The following ST18 variants were observed in gnomAD, a reference collection of about 807,000 sequenced individuals.
The protein encoded by ST18 is suppression of tumorigenicity 18 protein.
In ST18, 50 loss-of-function variants were observed where a neutral mutation model predicts 110.0. That is an observed-to-expected ratio of 0.45 (90% CI 0.36 to 0.58). The LOEUF is 0.58. Among genes scored for constraint, ST18 ranks in the 20% least tolerant of loss-of-function variants. The probability of loss-of-function intolerance (pLI) is 0.00; values close to 1 mark genes in which losing one functional copy is unlikely to be tolerated. For synonymous variants in ST18, 461 were observed against 452.4 expected, an observed-to-expected ratio of 1.02 and a Z score of -0.24; for missense variants, 1,306 against 1,280.1, an observed-to-expected ratio of 1.02 and a Z score of -0.31.
Position 52,284,479 on chromosome 8 carries a change from C to T in ST18, c.-464-54402G>A, listed in dbSNP as rs73679035. On this transcript the variant is annotated intron_variant, in intron 2 of 25. Coordinates refer to ENST00000689386, the MANE Select transcript of ST18 (RefSeq NM_001352837.2). ...CCGATGTGTCTCCAAGTGACCATCC[C>T]TATGAGAGAACACAGGGAGTGGCTG... Among the ~76,000 whole-genome samples the T allele has an allele frequency of 8.6e-3, 1,316 of 152,198 alleles. 18 individuals are homozygous for T. Among genetic ancestry groups the T allele is most frequent in the African/African-American group, 0.029 (1,201 of 41,514 alleles).
chr8:52,266,603 G>A (rs1056019525), intron 2 of ST18, among the ~76,000 whole-genome samples: 9 of 149,976 alleles, frequency 6.0e-5, no homozygotes, highest in African/African-American at 1.5e-4. Flanking sequence ...GTGCAGTGGC[G>A]TGATCTCGGC....
chr8:52,360,595 T>C (rs939685367), intron 2 of ST18, among the ~76,000 whole-genome samples: 1 of 152,160 alleles, frequency 6.6e-6, no homozygotes, highest in South Asian at 2.1e-4. Flanking sequence ...TAGGAAATCC[T>C]GTAGCACCTT....
At position 52,197,203 on chromosome 8, in the gene ST18, A is replaced by G. The variant is rs73681229; in HGVS notation, c.86+14876T>C. On this transcript the variant is annotated intron_variant, in intron 8 of 25. Transcript: ENST00000689386. Reference sequence around the variant, plus strand: ...ATCTGCTGCAAAGTTACTCTTAAACAAAAATAACAAAGGCAATGAATATTT... The same window carrying G: ...ATCTGCTGCAAAGTTACTCTTAAACGAAAATAACAAAGGCAATGAATATTT... Among the ~76,000 whole-genome samples, 343 of 152,360 alleles carry G rather than the reference A, an allele frequency of 2.3e-3. 2 individuals carry two copies. The highest frequency in any genetic ancestry group is 7.4e-3 in the African/African-American group (308 of 41,588).
At chr8:52,214,685 G>GA (rs924726073) in intron 6 of ST18, among the ~76,000 whole-genome samples, 1 of 151,908 alleles carries the variant, frequency 6.6e-6, no homozygotes, top group Admixed American at 6.6e-5. Flanking sequence ...TCTAAGCTTG[G>GA]AAAAAAATGA....
Position 52,126,039 on chromosome 8 carries a change from C to T in ST18, c.2755+13G>A, listed in dbSNP as rs756983662. ...CCTGCAGGAGGTGGTGACAGCCAGC[C>T]CTGTGCTCTTACCCCCAGTTGCTTT... On this transcript the variant is annotated intron_variant, in intron 23 of 25. Coordinates refer to ENST00000689386, the MANE Select transcript of ST18 (RefSeq NM_001352837.2). The T allele has an allele frequency of 1.2e-6, 2 of 1,613,396 alleles. No individual in the cohort carries two copies. Among genetic ancestry groups the T allele is most frequent in the South Asian group, 1.1e-5 (1 of 91,044 alleles).
At chr8:52,251,798 C>G (rs2138338480) in intron 2 of ST18, among the ~76,000 whole-genome samples, 1 of 152,188 alleles carries the variant, frequency 6.6e-6, no homozygotes, top group Non-Finnish European at 1.5e-5. Flanking sequence ...TTGTTGAATT[C>G]AATCCATAAA....
chr8:52,250,506 C>G (rs1172557779), intron 2 of ST18, among the ~76,000 whole-genome samples: 1 of 42,118 alleles, frequency 2.4e-5, no homozygotes. Flanking sequence ...GCTGTATAAA[C>G]AATGCCACAG....
chr8:52,357,687 A>G (rs1309535321), intron 2 of ST18, among the ~76,000 whole-genome samples: 1 of 40,482 alleles, frequency 2.5e-5, no homozygotes, highest in Non-Finnish European at 4.4e-5. Context: ...ATATATATAT[A>G]TATATATATA....
chr8:52,359,521 A>G (rs1216495539), intron 2 of ST18, among the ~76,000 whole-genome samples: 1 of 152,170 alleles, frequency 6.6e-6, no homozygotes, highest in African/African-American at 2.4e-5. Flanking sequence ...ACTATGTGCC[A>G]GGCACTATTC....
At chr8:52,243,991 A>T (rs190550821) in intron 2 of ST18, among the ~76,000 whole-genome samples, 1 of 152,288 alleles carries the variant, frequency 6.6e-6, no homozygotes, top group Non-Finnish European at 1.5e-5. Context: ...GCTTACTTGC[A>T]GTCCCTGTGA....
At chr8:52,310,004 T>G (rs2095877716) in intron 2 of ST18, among the ~76,000 whole-genome samples, 1 of 152,204 alleles carries the variant, frequency 6.6e-6, no homozygotes, top group Admixed American at 6.5e-5. Flanking sequence ...AATCAAGAAG[T>G]GCACATTCTG....
intron 2 of ST18, among the ~76,000 whole-genome samples, chr8:52,370,913 T>C (rs1340702278): frequency 6.6e-6 from 1 of 152,172 alleles, no homozygotes; most frequent in Non-Finnish European, 1.5e-5. Flanking sequence ...AAAGGAGAAA[T>C]ATGTTTCTAT....
In ST18 at chr8:52,171,914, C is replaced by T. The variant is rs150692183; in HGVS notation, c.947G>A (p.Arg316Gln). Reference protein sequence around the residue: ...LEQAIALQAERGCVFHNTYKE... With the variant: ...LEQAIALQAEQGCVFHNTYKE... ...GTAGGTGTTATGGAAAACACAACCT[C>T]GCTCAGCCTGCAGAGCAATTGCCTG... is the stretch of plus-strand genomic sequence containing the variant. The change falls in exon 10 of 26, where the codon CGA (arginine) becomes CAA (glutamine). Residue 316 changes from arginine (R) to glutamine (Q), a missense_variant. Transcript: ENST00000689386. The T allele has an allele frequency of 2.5e-5, 40 of 1,614,066 alleles. No individual in the cohort carries two copies. The highest frequency in any genetic ancestry group is 4.0e-5 in the African/African-American group (3 of 74,910).
rs183073045 is a variant in ST18 at position 52,302,856 on chromosome 8, A to C, written c.-464-72779T>G. On this transcript the variant is annotated intron_variant, in intron 2 of 25. Transcript: ENST00000689386. ...CTTAGAGTAGAATACCAAAAAATAC[A>C]TAGAAGGAAGTCATTAGAAACATCA... Among the ~76,000 whole-genome samples, 4 of 152,192 alleles carry C rather than the reference A, an allele frequency of 2.6e-5. No homozygotes were observed. The South Asian group carries it at 8.3e-4, about 32-fold the overall frequency.
At chr8:52,247,431 A>G (rs928060077) in intron 2 of ST18, among the ~76,000 whole-genome samples, 10 of 152,172 alleles carry the variant, frequency 6.6e-5, no homozygotes, top group Admixed American at 3.3e-4. Context: ...CATTTCTGTA[A>G]AAGTAACTCC....
intron 8 of ST18, among the ~76,000 whole-genome samples, chr8:52,184,460 G>C (rs766049874): frequency 6.6e-6 from 1 of 152,064 alleles, no homozygotes; most frequent in Non-Finnish European, 1.5e-5. Context: ...CTTTTACTTA[G>C]AAACTTGAAT....
chr8:52,197,492 C>T (rs1588231152), intron 8 of ST18, among the ~76,000 whole-genome samples: 1 of 152,292 alleles, frequency 6.6e-6, no homozygotes, highest in East Asian at 1.9e-4. Context: ...CCCCCAGAAG[C>T]ACTCAAACCA....
chr8:52,337,732 C>A (rs1226150229), intron 2 of ST18, among the ~76,000 whole-genome samples: 1 of 152,210 alleles, frequency 6.6e-6, no homozygotes, highest in Non-Finnish European at 1.5e-5. Context: ...GATACCAAAG[C>A]TTCTCTATCT....
chr8:52,321,614 A>G (rs1421383305), intron 2 of ST18, among the ~76,000 whole-genome samples: 1 of 152,208 alleles, frequency 6.6e-6, no homozygotes, highest in African/African-American at 2.4e-5. Flanking sequence ...GCCTCCTGGT[A>G]AGCACTGAGC....
Sources: gnomAD v4.1 joint callset for allele counts (sites outside exome capture counted in the v4.1 genomes callset) on GRCh38, gnomAD v4.1.1 for gene constraint, MANE v1.5 for transcripts, NCBI Gene and HGNC (gene_info 2026-07-23, HGNC 2026-07-21) for gene names.